Variants in GALNT18 observed in about 807,000 individuals in gnomAD.
The protein encoded by GALNT18 is GalNAc-transferase 18.
In GALNT18, 44 loss-of-function variants were observed where a neutral mutation model predicts 69.5. The ratio of observed to expected loss-of-function variants is 0.63; its 90% CI spans 0.50 to 0.81. GALNT18 has a LOEUF of 0.81. Among genes scored for constraint, GALNT18 ranks in the 40% least tolerant of loss-of-function variants. GALNT18 has a pLI of 0.00. For synonymous variants in GALNT18, 364 were observed against 318.2 expected (o/e 1.14, Z -1.53); for missense variants, 715 against 810.0 (o/e 0.88, Z 1.42).
chr11:11,356,105 G>A lies in GALNT18; in HGVS notation c.1093-15101C>T, dbSNP rs1850524454. On this transcript the variant is annotated intron_variant, in intron 6 of 10. Coordinates refer to ENST00000227756, the MANE Select transcript of GALNT18 (RefSeq NM_198516.3). The surrounding 1 kb of genome is among the most constrained non-coding windows in gnomAD (Gnocchi z 4.4). ...AAAAAAATGTGCTCACAGGTACCCT[G>A]CCCTTTGCATTGCTTTACAAAGCCA... 6.6e-6 allele frequency among the ~76,000 whole-genome samples: 1 copy of A among 152,196 alleles called. No homozygotes were observed. The highest frequency in any genetic ancestry group is 2.4e-5 in the African/African-American group (1 of 41,438).
At position 11,470,021 on chromosome 11, in the gene GALNT18, A is replaced by T. The variant is rs1416781180; in HGVS notation, c.236-21085T>A. Among the ~76,000 whole-genome samples the T allele has an allele frequency of 6.6e-6, 1 of 152,174 alleles. No individual in the cohort carries two copies. Among genetic ancestry groups the T allele is most frequent in the African/African-American group, 2.4e-5 (1 of 41,442 alleles). ...TTGCTTGCCTTTGTAACTGCTTCCC[A>T]TAGGAACCTTTAGAGAAAGACTGTC... On this transcript the variant is annotated intron_variant, in intron 1 of 10. Coordinates refer to ENST00000227756, the MANE Select transcript of GALNT18 (RefSeq NM_198516.3). This position sits in a 1 kb window ranked among gnomAD's most constrained non-coding sequence, Gnocchi z 4.8.
At chr11:11,288,665 A>G (rs1849240143) in intron 10 of GALNT18, among the ~76,000 whole-genome samples, 1 of 152,234 alleles carries the variant, frequency 6.6e-6, no homozygotes. Context: ...AGTCCTGCAC[A>G]TCAGCGTTGC....
At chr11:11,408,149 T>C (rs1185881821) in intron 3 of GALNT18, among the ~76,000 whole-genome samples, 1 of 152,108 alleles carries the variant, frequency 6.6e-6, no homozygotes, top group Non-Finnish European at 1.5e-5. Context: ...GCGGATCACT[T>C]GAGGTCAGGA....
intron 9 of GALNT18, among the ~76,000 whole-genome samples, chr11:11,297,771 C>T (rs1849427781): frequency 6.6e-6 from 1 of 152,188 alleles, no homozygotes; most frequent in East Asian, 1.9e-4. Flanking sequence ...GTCATCCCCG[C>T]CCACTCAGCT....
chr11:11,409,028 A>C (rs1419286243), intron 3 of GALNT18, among the ~76,000 whole-genome samples: 1 of 152,200 alleles, frequency 6.6e-6, no homozygotes, highest in African/African-American at 2.4e-5. Context: ...TGAGGCATTG[A>C]GGTGTCACGA....
At chr11:11,397,491 G>T (rs1179625578) in intron 3 of GALNT18, among the ~76,000 whole-genome samples, 3 of 152,086 alleles carry the variant, frequency 2.0e-5, no homozygotes, top group Non-Finnish European at 2.9e-5. Flanking sequence ...TTGAGACAGG[G>T]TTCACTCTGT....
rs1453964033 is a variant in GALNT18 at position 11,436,685 on chromosome 11, A to G, written c.429-3898T>C. 6.6e-6 allele frequency among the ~76,000 whole-genome samples: 1 copy of G among 152,222 alleles called. No individual in the cohort carries two copies. The highest frequency in any genetic ancestry group is 2.4e-5 in the African/African-American group (1 of 41,448). ...ACCTCAACACTGAAGCAGAATGTACATTGCTGAAGGGCAGGGGCAAAAAGA... is the reference window on the plus strand; with the variant it reads ...ACCTCAACACTGAAGCAGAATGTACGTTGCTGAAGGGCAGGGGCAAAAAGA... On this transcript the variant is annotated intron_variant, in intron 2 of 10. Coordinates refer to ENST00000227756, the MANE Select transcript of GALNT18 (RefSeq NM_198516.3). The surrounding 1 kb of genome is among the most constrained non-coding windows in gnomAD (Gnocchi z 4.5).
intron 10 of GALNT18, among the ~76,000 whole-genome samples, chr11:11,279,937 G>A (rs747399743): frequency 3.7e-4 from 56 of 151,876 alleles, no homozygotes; most frequent in Admixed American, 7.2e-4. Flanking sequence ...CCCTGAGAAG[G>A]GACTTTGAGT....
intron 3 of GALNT18, among the ~76,000 whole-genome samples, chr11:11,381,744 C>T (rs374446369): frequency 6.6e-6 from 1 of 152,148 alleles, no homozygotes; most frequent in Admixed American, 6.6e-5. Context: ...GTGAGGCCCT[C>T]GTGGATCCTT....
intron 1 of GALNT18, among the ~76,000 whole-genome samples, chr11:11,471,720 C>T (rs1003605308): frequency 6.6e-6 from 1 of 152,040 alleles, no homozygotes; most frequent in African/African-American, 2.4e-5. Context: ...ATTTTGTTAC[C>T]TGCCTGGGGG....
intron 1 of GALNT18, among the ~76,000 whole-genome samples, chr11:11,589,823 A>G (rs1014862918): frequency 6.6e-6 from 1 of 152,178 alleles, no homozygotes; most frequent in African/African-American, 2.4e-5. Context: ...CAGATAGTCC[A>G]TGGAAGGGAA....
chr11:11,466,822 A>G (rs1856164979), intron 1 of GALNT18, among the ~76,000 whole-genome samples: 1 of 152,298 alleles, frequency 6.6e-6, no homozygotes, highest in African/African-American at 2.4e-5. Context: ...GCGGGAAGCA[A>G]GACAGAAGGG....
At chr11:11,386,260 C>A (rs1000885628) in intron 3 of GALNT18, among the ~76,000 whole-genome samples, 20 of 152,162 alleles carry the variant, frequency 1.3e-4, no homozygotes, top group Non-Finnish European at 2.8e-4. Context: ...ATGATAGAGT[C>A]CAGGTCCCCA....
In GALNT18 at chr11:11,435,157, T is replaced by C. The variant is rs894299536; in HGVS notation, c.429-2370A>G. Among the ~76,000 whole-genome samples the C allele has an allele frequency of 1.3e-5, 2 of 152,216 alleles. No individual in the cohort carries two copies. Among genetic ancestry groups the C allele is most frequent in the Non-Finnish European group, 2.9e-5 (2 of 68,030 alleles). On this transcript the variant is annotated intron_variant, in intron 2 of 10. Transcript: ENST00000227756. This position sits in a 1 kb window ranked among gnomAD's most constrained non-coding sequence, Gnocchi z 4.4. ...GCAATGAAGACTTTGCTTCTGTATC[T>C]CTCTGCACTTCCCCACGGGGTCTGC... is the stretch of plus-strand genomic sequence containing the variant.
chr11:11,565,920 A>T (rs956625612), intron 1 of GALNT18, among the ~76,000 whole-genome samples: 1 of 152,196 alleles, frequency 6.6e-6, no homozygotes, highest in Non-Finnish European at 1.5e-5. Context: ...GTTTTGAGCA[A>T]AGGAAACCGC....
At chr11:11,451,115 T>C (rs191207466) in intron 1 of GALNT18, among the ~76,000 whole-genome samples, 28 of 152,274 alleles carry the variant, frequency 1.8e-4, no homozygotes, top group African/African-American at 6.7e-4. Context: ...AGACACAGCA[T>C]TGTCAGGATT....
chr11:11,343,467 G>A lies in GALNT18; in HGVS notation c.1093-2463C>T, dbSNP rs554665358. Reference sequence around the variant, plus strand: ...TGATCCCAAAGAAACTCAACGAAGAGCCAACACTTCCCCCACGATGATCAA... The same window carrying A: ...TGATCCCAAAGAAACTCAACGAAGAACCAACACTTCCCCCACGATGATCAA... On this transcript the variant is annotated intron_variant, in intron 6 of 10. Coordinates refer to ENST00000227756, the MANE Select transcript of GALNT18 (RefSeq NM_198516.3). 7.9e-5 allele frequency among the ~76,000 whole-genome samples: 12 copies of A among 152,294 alleles called. No individual in the cohort carries two copies. The East Asian group carries it at 2.3e-3, about 29-fold the overall frequency.
rs1475127033 is a variant in GALNT18 at position 11,595,320 on chromosome 11, C to T, written c.235+26039G>A. 6.6e-6 allele frequency among the ~76,000 whole-genome samples: 1 copy of T among 152,028 alleles called. No individual in the cohort carries two copies. The highest frequency in any genetic ancestry group is 1.5e-5 in the Non-Finnish European group (1 of 68,004). ...AAGAGGGCTCAGGGAGCTAGTTAGC[C>T]CCTTTTACCATGTGAGGACACAGCA... On this transcript the variant is annotated intron_variant, in intron 1 of 10. Transcript: ENST00000227756. The surrounding 1 kb of genome is among the most constrained non-coding windows in gnomAD (Gnocchi z 5.2).
At chr11:11,395,871 C>T (rs539071110) in intron 3 of GALNT18, among the ~76,000 whole-genome samples, 5 of 152,224 alleles carry the variant, frequency 3.3e-5, no homozygotes, top group African/African-American at 1.2e-4. Flanking sequence ...CTTCTGTAGG[C>T]AAAGCACACT....
Sources: gnomAD v4.1 joint callset for allele counts (sites outside exome capture counted in the v4.1 genomes callset) on GRCh38, gnomAD v4.1.1 for gene constraint, Gnocchi (gnomAD v3.1) non-coding constraint, MANE v1.5 for transcripts, NCBI Gene and HGNC (gene_info 2026-07-23, HGNC 2026-07-21) for gene names.